The following CMIP variants were observed in gnomAD, a reference collection of about 807,000 sequenced individuals.
The protein encoded by CMIP is c-Maf inducing protein, also known as C-Maf-inducing protein.
Under a neutral mutation model 97.3 loss-of-function variants are expected in CMIP, and 13 were observed. That is an observed-to-expected ratio of 0.13 (90% CI 0.09 to 0.21). The LOEUF (loss-of-function observed/expected upper bound fraction) is 0.21. Among genes scored for constraint, CMIP ranks in the 10% least tolerant of loss-of-function variants. The pLI, the probability that CMIP is intolerant of heterozygous loss-of-function variation, is 1.00. For synonymous variants in CMIP, 538 were observed against 436.3 expected, an observed-to-expected ratio of 1.23 and a Z score of -2.91; for missense variants, 847 against 1,024.9, an observed-to-expected ratio of 0.83 and a Z score of 2.37.
chr16:81,534,822 A>C (rs1336403837), intron 1 of CMIP, among the ~76,000 whole-genome samples: 2 of 152,186 alleles, frequency 1.3e-5, no homozygotes, highest in Non-Finnish European at 2.9e-5. Flanking sequence ...ATTGCTTTAA[A>C]ATATTGCTAT....
intron 1 of CMIP, among the ~76,000 whole-genome samples, chr16:81,554,478 C>T (rs996166339): frequency 2.6e-5 from 4 of 152,178 alleles, no homozygotes; most frequent in African/African-American, 9.7e-5. Context: ...CCTGTTGAGC[C>T]CAGAGGCAGC....
intron 19 of CMIP, among the ~76,000 whole-genome samples, chr16:81,705,835 A>G (rs879446303): frequency 2.0e-5 from 3 of 152,278 alleles, no homozygotes; most frequent in Admixed American, 2.0e-4. Context: ...TAGAGGCAAT[A>G]GAAAAAATGA....
intron 3 of CMIP, among the ~76,000 whole-genome samples, chr16:81,628,268 A>T (rs2092102269): frequency 6.6e-6 from 1 of 152,024 alleles, no homozygotes; most frequent in Admixed American, 6.5e-5. Context: ...TGTCCTAGAG[A>T]TGTGGCCCCA....
chr16:81,580,521 C>T (rs1028448009), intron 1 of CMIP, among the ~76,000 whole-genome samples: 14 of 151,382 alleles, frequency 9.2e-5, no homozygotes, highest in African/African-American at 3.4e-4. Flanking sequence ...GCAACCTCTG[C>T]ATCCTGGGTT....
chr16:81,652,384 C>T lies in CMIP; in HGVS notation c.639+20C>T, dbSNP rs1268135427. ...TCAGAGGTAAAACCCCTCCCCTGGA[C>T]CCCTTTACATTGTTTGCCTTTCCCT... On this transcript the variant is annotated intron_variant, in intron 4 of 20. Transcript: ENST00000537098. The surrounding 1 kb of genome is among the most constrained non-coding windows in gnomAD (Gnocchi z 5.2). 4 of 1,605,426 alleles carry T rather than the reference C, an allele frequency of 2.5e-6. No homozygotes were observed. The highest frequency in any genetic ancestry group is 3.4e-6 in the Non-Finnish European group (4 of 1,175,394).
intron 1 of CMIP, among the ~76,000 whole-genome samples, chr16:81,545,486 G>T (rs905698914): frequency 2.0e-5 from 3 of 152,176 alleles, no homozygotes; most frequent in South Asian, 2.1e-4. Context: ...AGCGTCTCCT[G>T]TGTGAAGAGT....
At chr16:81,492,385 C>T (rs187617336) in intron 1 of CMIP, among the ~76,000 whole-genome samples, 2 of 152,352 alleles carry the variant, frequency 1.3e-5, no homozygotes, top group East Asian at 3.9e-4. Flanking sequence ...TGAGTGCCTT[C>T]AGCTCCTGGC....
intron 1 of CMIP, chr16:81,603,450 A>T (rs896645412): frequency 2.2e-6 from 1 of 454,362 alleles, no homozygotes; most frequent in African/African-American, 2.0e-5. Context: ...CGACGAGGAT[A>T]CCCCAGAGTT....
At chr16:81,664,500 T>C in intron 7 of CMIP, 151 bp downstream of exon 7, 1 of 644,072 alleles carries the variant, frequency 1.6e-6, no homozygotes, top group Non-Finnish European at 2.6e-6. Flanking sequence ...GGTTAAGGAC[T>C]TTTGGGGGTT....
intron 1 of CMIP, among the ~76,000 whole-genome samples, chr16:81,576,523 C>T (rs1252656492): frequency 1.3e-5 from 2 of 152,108 alleles, no homozygotes; most frequent in Admixed American, 6.5e-5. Context: ...ATTAATGAAA[C>T]GCAGTATTAT....
chr16:81,506,881 G>A (rs1291933676), intron 1 of CMIP, among the ~76,000 whole-genome samples: 4 of 144,720 alleles, frequency 2.8e-5, no homozygotes, highest in African/African-American at 1.0e-4. Context: ...CTCCAGCCTG[G>A]ATGACAGAGC....
chr16:81,510,855 G>A (rs2089797855), intron 1 of CMIP, among the ~76,000 whole-genome samples: 1 of 152,100 alleles, frequency 6.6e-6, no homozygotes, highest in South Asian at 2.1e-4. Flanking sequence ...GAGTAGCTGG[G>A]ACTACAGGTG....
At chr16:81,559,320 C>G (rs988451513) in intron 1 of CMIP, among the ~76,000 whole-genome samples, 3 of 152,214 alleles carry the variant, frequency 2.0e-5, no homozygotes, top group African/African-American at 7.2e-5. Context: ...TCAGTGGTCA[C>G]TTATTTCATG....
chr16:81,646,603 T>C (rs931505665), intron 3 of CMIP, among the ~76,000 whole-genome samples: 1 of 152,234 alleles, frequency 6.6e-6, no homozygotes, highest in Non-Finnish European at 1.5e-5. Flanking sequence ...ATTTCCACCA[T>C]CTTGAAAGAT....
At position 81,710,360 on chromosome 16, in the gene CMIP, C is replaced by T. The variant is rs1425137130; in HGVS notation, c.*561C>T. The stretch of plus-strand genomic sequence containing the variant: ...AATGCACCTATTTAAGACATGTTGA[C>T]AAATTGCGGGTCTGGGACCCGCCTC... On this transcript the variant is annotated 3_prime_UTR_variant, in exon 21 of 21. Transcript: ENST00000537098. 2 of 157,112 alleles carry T rather than the reference C, an allele frequency of 1.3e-5. No individual in the cohort carries two copies. Among genetic ancestry groups the T allele is most frequent in the African/African-American group, 4.8e-5 (2 of 41,428 alleles). 9.7% of individuals were successfully genotyped at this position (157,112 alleles called of 1,614,324 possible).
At chr16:81,551,800 C>T (rs769453822) in intron 1 of CMIP, among the ~76,000 whole-genome samples, 1 of 152,214 alleles carries the variant, frequency 6.6e-6, no homozygotes, top group Non-Finnish European at 1.5e-5. Flanking sequence ...CTGTTGTGGA[C>T]AGTTCCCCTG....
At chr16:81,705,658 C>G in intron 19 of CMIP, 54 bp downstream of exon 19, 1 of 1,205,340 alleles carries the variant, frequency 8.3e-7, no homozygotes, top group East Asian at 2.5e-5. Context: ...TCATTCCTTC[C>G]TTGCTTCAGC....
rs146265555 is a variant in CMIP, at chr16:81,515,190, A to G, written c.300+69649A>G. Reference sequence around the variant, plus strand: ...GCATGACTCCAGCAGAGAGAAACCTACTGGGGGCTGTGCTTTATTCTGGGC... The same window carrying G: ...GCATGACTCCAGCAGAGAGAAACCTGCTGGGGGCTGTGCTTTATTCTGGGC... On this transcript the variant is annotated intron_variant, in intron 1 of 20. Coordinates refer to ENST00000537098, the MANE Select transcript of CMIP (RefSeq NM_198390.3). Among the ~76,000 whole-genome samples the G allele has an allele frequency of 6.5e-3, 993 of 152,246 alleles. 14 individuals are homozygous for G. The highest frequency in any genetic ancestry group is 0.023 in the African/African-American group (938 of 41,542).
At chr16:81,525,653 A>C (rs7203208) in intron 1 of CMIP, among the ~76,000 whole-genome samples, 8,132 of 152,214 alleles carry the variant, frequency 0.053, 254 homozygotes, top group Middle Eastern at 0.085. Flanking sequence ...ATCATTTTTA[A>C]ATGTTAAAGT....
Sources: gnomAD v4.1 joint callset for allele counts (sites outside exome capture counted in the v4.1 genomes callset) on GRCh38, gnomAD v4.1.1 for gene constraint, Gnocchi (gnomAD v3.1) non-coding constraint, MANE v1.5 for transcripts, NCBI Gene and HGNC (gene_info 2026-07-23, HGNC 2026-07-21) for gene names.